Variants in STT3B observed in about 807,000 individuals in gnomAD.
The protein encoded by STT3B is dolichyl-diphosphooligosaccharide--protein glycosyltransferase subunit STT3B.
A neutral mutation model predicts 96.8 loss-of-function variants in STT3B; 29 were observed. The observed-to-expected ratio is 0.30, with a 90% CI of 0.22 to 0.41. The LOEUF is 0.41. Among genes scored for constraint, STT3B ranks in the 10% least tolerant of loss-of-function variants. The pLI is 1.00. For missense variants in STT3B, 640 were observed against 1,022.3 expected (o/e 0.63, Z 5.10); for synonymous variants, 367 against 360.0 (o/e 1.02, Z -0.22).
chr3:31,559,764 A>C (rs909100358), intron 1 of STT3B, among the ~76,000 whole-genome samples: 1 of 152,104 alleles, frequency 6.6e-6, no homozygotes, highest in Non-Finnish European at 1.5e-5. Context: ...TACATGATCT[A>C]TCTGATGGTG....
intron 15 of STT3B, among the ~76,000 whole-genome samples, chr3:31,634,518 A>G (rs1699723385): frequency 6.6e-6 from 1 of 152,216 alleles, no homozygotes; most frequent in South Asian, 2.1e-4. Context: ...TCTGGTTTCC[A>G]TGGCTTTAGA....
At chr3:31,578,198 C>G (rs146363003) in intron 2 of STT3B, among the ~76,000 whole-genome samples, 143 of 152,224 alleles carry the variant, frequency 9.4e-4, no homozygotes, top group African/African-American at 3.2e-3. Context: ...TAAGCAGGTC[C>G]TGACTTTTTG....
chr3:31,621,980 AG>A, intron 9 of STT3B, 116 bp from the exon 10 acceptor site: 1 of 696,784 alleles, frequency 1.4e-6, no homozygotes, highest in Non-Finnish European at 2.5e-6. Flanking sequence ...AGAAACAATT[AG>A]ATCGTTTGTG....
intron 1 of STT3B, among the ~76,000 whole-genome samples, chr3:31,535,703 A>G (rs1697075126): frequency 6.6e-6 from 1 of 152,238 alleles, no homozygotes; most frequent in Non-Finnish European, 1.5e-5. Context: ...AGCCTGGGCA[A>G]CAAAGAGCGA....
chr3:31,542,627 T>G (rs1697308525), intron 1 of STT3B, among the ~76,000 whole-genome samples: 1 of 152,222 alleles, frequency 6.6e-6, no homozygotes, highest in African/African-American at 2.4e-5. Flanking sequence ...CATGTGTACC[T>G]GCCAGAGAGT....
intron 5 of STT3B, among the ~76,000 whole-genome samples, chr3:31,606,621 A>G (rs571104515): frequency 5.8e-4 from 88 of 152,328 alleles, no homozygotes; most frequent in African/African-American, 1.8e-3. Flanking sequence ...CAAAGAACGT[A>G]TGGAAATGCC....
intron 1 of STT3B, among the ~76,000 whole-genome samples, chr3:31,539,891 G>A (rs1215895246): frequency 6.6e-6 from 1 of 152,148 alleles, no homozygotes; most frequent in African/African-American, 2.4e-5. Flanking sequence ...GGAATTGGGA[G>A]ATGGAGAGCT....
At chr3:31,617,191 T>TC in intron 7 of STT3B, 116 bp downstream of exon 7, 1 of 812,242 alleles carries the variant, frequency 1.2e-6, no homozygotes. Context: ...TTTTTCTTTT[T>TC]TTTTTTTTTT....
At chr3:31,619,653 A>G (rs758966419) in intron 8 of STT3B, 23 bp from the exon 9 acceptor site, 15 of 1,590,690 alleles carry the variant, frequency 9.4e-6, no homozygotes, top group Admixed American at 8.8e-5. Context: ...AATTGTAAAC[A>G]ATATTAACTT....
rs766813650 is a variant in STT3B at position 31,622,189 on chromosome 3, A to G, written c.1420A>G (p.Ile474Val). 6 of 1,614,024 alleles carry G rather than the reference A, an allele frequency of 3.7e-6. No homozygotes were observed. The highest frequency in any genetic ancestry group is 2.2e-5 in the East Asian group (1 of 44,890). The change falls in exon 10 of 16, where the codon ATT becomes GTT. Residue 474 changes from isoleucine to valine, a missense_variant. By Grantham distance (29) the Ile-to-Val change is conservative. Transcript: ENST00000295770. ...LTPVVCMLSA[I>V]AFSNVFEHYL... ...TCCAGTCGTGTGTATGCTGTCTGCA[A>G]TTGCCTTTTCAAATGTTTTTGAGCA... is the stretch of plus-strand genomic sequence containing the variant.
intron 5 of STT3B, 131 bp downstream of exon 5, chr3:31,600,590 G>A (rs1698907143): frequency 4.6e-6 from 2 of 438,668 alleles, no homozygotes; most frequent in South Asian, 5.8e-5. Flanking sequence ...TCATTTTGCT[G>A]TTTATATTGA....
chr3:31,593,546 T>TAAAAA lies in STT3B; in HGVS notation c.712-3251_712-3250insAAAAA. 1.3e-5 allele frequency among the ~76,000 whole-genome samples: 2 copies of TAAAAA among 152,270 alleles called. 1 individual carries two copies. The highest frequency in any genetic ancestry group is 6.8e-3 in the Middle Eastern group (2 of 294). ...AAATGTTTTTATCTGTCTGTCTTTG[T>TAAAAA]AGCCTCTCCTTTTTTGAACTTTGTT... On this transcript the variant is annotated intron_variant, in intron 3 of 15. Coordinates refer to ENST00000295770, the MANE Select transcript of STT3B (RefSeq NM_178862.3).
chr3:31,609,423 C>G (rs9828837), intron 5 of STT3B, among the ~76,000 whole-genome samples: 1 of 152,040 alleles, frequency 6.6e-6, no homozygotes, highest in Non-Finnish European at 1.5e-5. Context: ...ACATACAGTA[C>G]CTTTGTAATT....
chr3:31,548,335 G>GA (rs34156346), intron 1 of STT3B, among the ~76,000 whole-genome samples: 1 of 151,266 alleles, frequency 6.6e-6, no homozygotes, highest in Admixed American at 6.6e-5. Flanking sequence ...TTAAAACAGG[G>GA]AAAAAAAATG....
Position 31,533,017 on chromosome 3 carries a change from C to G in STT3B, c.19C>G (p.Pro7Ala). ...GCACAACATGGCGGAGCCCTCGGCCCCGGAGAGCAAGCACAAGTCGTCCCT... is the reference window on the plus strand; with the variant it reads ...GCACAACATGGCGGAGCCCTCGGCCGCGGAGAGCAAGCACAAGTCGTCCCT... MAEPSA[P>A]ESKHKSSLNS... The change falls in exon 1 of 16, where the codon CCG becomes GCG. Residue 7 changes from proline (P) to alanine (A), a missense_variant. Physicochemically the swap from Pro to Ala is conservative, Grantham distance 27. This residue lies in a region of STT3B where 89 missense variants were observed against 81.7 expected (regional missense o/e 1.09). Transcript: ENST00000295770. The G allele has an allele frequency of 6.3e-7, 1 of 1,589,482 alleles. No homozygotes were observed. The highest frequency in any genetic ancestry group is 8.6e-7 in the Non-Finnish European group (1 of 1,169,356).
intron 3 of STT3B, among the ~76,000 whole-genome samples, chr3:31,585,334 C>A (rs1347720296): frequency 6.6e-6 from 1 of 151,998 alleles, no homozygotes; most frequent in Non-Finnish European, 1.5e-5. Context: ...AAATCCCCAC[C>A]CTGTGCCTGT....
At chr3:31,557,466 T>C (rs1419792225) in intron 1 of STT3B, among the ~76,000 whole-genome samples, 1 of 152,176 alleles carries the variant, frequency 6.6e-6, no homozygotes, top group African/African-American at 2.4e-5. Flanking sequence ...CTTTGGGCAG[T>C]ATGCTCATTT....
chr3:31,613,040 A>G (rs548508997), intron 5 of STT3B, among the ~76,000 whole-genome samples: 46 of 152,258 alleles, frequency 3.0e-4, no homozygotes, highest in African/African-American at 1.1e-3. Flanking sequence ...TGTGGTTACC[A>G]TGGGCTGGAA....
rs370887259 is a variant in STT3B, at chr3:31,607,852, C to T, written c.878-7253C>T. Among the ~76,000 whole-genome samples, 11 of 152,124 alleles carry T rather than the reference C, an allele frequency of 7.2e-5. No individual in the cohort carries two copies. In the East Asian group the frequency reaches 7.7e-4, roughly 11 times the overall value. On this transcript the variant is annotated intron_variant, in intron 5 of 15. Transcript: ENST00000295770. ...TGGGCTGAAGTGGTCCTCCCACCTC[C>T]GCCTTCCAAAGTGTTGGGATTACAG...
Sources: gnomAD v4.1 joint callset for allele counts (sites outside exome capture counted in the v4.1 genomes callset) on GRCh38, gnomAD v4.1.1 for gene constraint, gnomAD v4.1.1 regional missense constraint, MANE v1.5 for transcripts, NCBI Gene and HGNC (gene_info 2026-07-23, HGNC 2026-07-21) for gene names.